Variants in CYB5R4 observed in about 807,000 individuals in gnomAD.
CYB5R4 encodes the protein N-terminal cytochrome b5 and cytochrome b5 oxidoreductase domain-containing protein.
CYB5R4 carries 55 observed loss-of-function variants against 70.2 expected under a neutral mutation model. The observed-to-expected ratio is 0.78, with a 90% CI of 0.63 to 0.98. CYB5R4 has a LOEUF of 0.98. Among genes scored for constraint, CYB5R4 ranks in the 50% least tolerant of loss-of-function variants. The pLI is 0.00. For missense variants in CYB5R4, 562 were observed against 612.6 expected (o/e 0.92, Z 0.87); for synonymous variants, 197 against 199.5 (o/e 0.99, Z 0.11).
chr6:83,902,234 A>G lies in CYB5R4; in HGVS notation c.331-6775A>G, dbSNP rs117462080. Among the ~76,000 whole-genome samples the G allele has an allele frequency of 8.1e-4, 123 of 152,248 alleles. 2 individuals are homozygous for G. In the East Asian group the frequency reaches 0.02, roughly 25 times the overall value. On this transcript the variant is annotated intron_variant, in intron 3 of 15. Coordinates refer to ENST00000369681, the MANE Select transcript of CYB5R4 (RefSeq NM_016230.4). ...TTGGAGTTCATTTTCATTCTTCTGC[A>G]TATGGATATCCAATTTTCCCAGCAC...
At chr6:83,868,671 CTT>C (rs1325259478) in intron 2 of CYB5R4, among the ~76,000 whole-genome samples, 2 of 152,096 alleles carry the variant, frequency 1.3e-5, no homozygotes, top group African/African-American at 2.4e-5. Context: ...ATTTTTCTCT[CTT>C]GTTTCTCCCT....
intron 13 of CYB5R4, 89 bp from the exon 14 acceptor site, chr6:83,940,426 A>G: frequency 7.8e-7 from 1 of 1,288,926 alleles, no homozygotes; most frequent in Non-Finnish European, 1.0e-6. Context: ...GCACTAAAAC[A>G]TTCACACTGG....
chr6:83,923,729 A>T, intron 9 of CYB5R4, among the ~76,000 whole-genome samples: 1 of 152,096 alleles, frequency 6.6e-6, no homozygotes, highest in East Asian at 1.9e-4. Flanking sequence ...ACTCATTCTC[A>T]TGAGGCTCTT....
intron 2 of CYB5R4, among the ~76,000 whole-genome samples, chr6:83,876,091 C>T (rs934504383): frequency 7.2e-5 from 11 of 152,106 alleles, no homozygotes; most frequent in South Asian, 2.1e-4. Flanking sequence ...ATATTGTTGG[C>T]TCCTGGAGTT....
chr6:83,941,696 T>G (rs1384134377), intron 14 of CYB5R4, among the ~76,000 whole-genome samples: 1 of 152,222 alleles, frequency 6.6e-6, no homozygotes, highest in Non-Finnish European at 1.5e-5. Context: ...ACACCTGAAT[T>G]TATTTATCCT....
intron 14 of CYB5R4, among the ~76,000 whole-genome samples, chr6:83,941,933 C>A (rs2099469831): frequency 6.6e-6 from 1 of 152,160 alleles, no homozygotes; most frequent in African/African-American, 2.4e-5. Flanking sequence ...ACTTTATTCA[C>A]AAATTACTTA....
At chr6:83,911,672 C>T (rs1183122693) in intron 4 of CYB5R4, among the ~76,000 whole-genome samples, 1 of 152,042 alleles carries the variant, frequency 6.6e-6, no homozygotes, top group Non-Finnish European at 1.5e-5. Flanking sequence ...TTTCAAATTT[C>T]TTCCAGTAGA....
chr6:83,884,215 T>A (rs1193471380), intron 2 of CYB5R4, among the ~76,000 whole-genome samples: 1 of 151,996 alleles, frequency 6.6e-6, no homozygotes, highest in Non-Finnish European at 1.5e-5. Context: ...TAATTATAGA[T>A]AATATAGAGA....
intron 1 of CYB5R4, 51 bp downstream of exon 1, chr6:83,859,908 G>A (rs773551069): frequency 6.5e-7 from 1 of 1,532,132 alleles, no homozygotes. Context: ...TCGAGCTCTG[G>A]CAGTGTGTTC....
chr6:83,863,223 T>C (rs2099456234), intron 1 of CYB5R4, among the ~76,000 whole-genome samples: 1 of 152,196 alleles, frequency 6.6e-6, no homozygotes, highest in Non-Finnish European at 1.5e-5. Context: ...GTTTTTTTTC[T>C]GCAAAGGGCC....
At chr6:83,944,426 C>T (rs981504602) in intron 14 of CYB5R4, among the ~76,000 whole-genome samples, 9 of 152,106 alleles carry the variant, frequency 5.9e-5, no homozygotes, top group Non-Finnish European at 1.2e-4. Context: ...ACAAGAGTTC[C>T]TGAAGGAAGT....
In CYB5R4 at chr6:83,964,650, A is replaced by G. The variant is rs1439933964; in HGVS notation, c.*4772A>G. 1 of 152,236 alleles carries G rather than the reference A, an allele frequency of 6.6e-6. No homozygotes were observed. The highest frequency in any genetic ancestry group is 1.5e-5 in the Non-Finnish European group (1 of 68,048). 9.4% of individuals were successfully genotyped at this position (152,236 alleles called of 1,614,324 possible). On this transcript the variant is annotated 3_prime_UTR_variant, in exon 16 of 16. Transcript: ENST00000369681. ...GGAGAAATTCAAGCTGGCTGTAGAT[A>G]TTTGCATAAGTAACAAGGAACTGAA...
At chr6:83,903,111 A>C (rs569367368) in intron 3 of CYB5R4, among the ~76,000 whole-genome samples, 37 of 152,094 alleles carry the variant, frequency 2.4e-4, no homozygotes, top group Non-Finnish European at 4.7e-4. Flanking sequence ...CTTAGTGAAA[A>C]GGCTTTTAAC....
At chr6:83,910,807 A>G (rs2099464559) in intron 4 of CYB5R4, among the ~76,000 whole-genome samples, 1 of 152,244 alleles carries the variant, frequency 6.6e-6, no homozygotes. Flanking sequence ...ACTTCTAAAA[A>G]TACAGCATAT....
intron 14 of CYB5R4, among the ~76,000 whole-genome samples, chr6:83,947,137 C>T (rs1017351637): frequency 3.9e-5 from 6 of 152,200 alleles, no homozygotes; most frequent in Non-Finnish European, 5.9e-5. Context: ...GGAGGCATCA[C>T]GCTACCTGAC....
At chr6:83,881,426 T>C (rs984865290) in intron 2 of CYB5R4, among the ~76,000 whole-genome samples, 15 of 152,194 alleles carry the variant, frequency 9.9e-5, no homozygotes, top group Non-Finnish European at 1.9e-4. Flanking sequence ...CCACCACTCC[T>C]TGGTCTCCCA....
rs551434128 is a variant in CYB5R4, at chr6:83,934,225, C to T, written c.815-370C>T. ...CCTGGGCAACATAGTGAAACCCAAT[C>T]TCTTTAAAAAAAAATTAAAAAAAAA... On this transcript the variant is annotated intron_variant, in intron 10 of 15. Coordinates refer to ENST00000369681, the MANE Select transcript of CYB5R4 (RefSeq NM_016230.4). Among the ~76,000 whole-genome samples the T allele has an allele frequency of 3.4e-5, 5 of 147,338 alleles. No individual in the cohort carries two copies. The South Asian group carries it at 1.1e-3, about 31-fold the overall frequency.
chr6:83,902,288 A>G (rs2099463101), intron 3 of CYB5R4, among the ~76,000 whole-genome samples: 1 of 152,112 alleles, frequency 6.6e-6, no homozygotes, highest in Non-Finnish European at 1.5e-5. Context: ...TCCTTTCCTC[A>G]TTGTATATTC....
chr6:83,939,441 G>A lies in CYB5R4; in HGVS notation c.1109-615G>A, dbSNP rs186715073. Among the ~76,000 whole-genome samples the A allele has an allele frequency of 9.9e-5, 15 of 152,234 alleles. 1 individual carries two copies. The highest frequency in any genetic ancestry group is 9.2e-4 in the Admixed American group (14 of 15,294). The stretch of plus-strand genomic sequence containing the variant: ...TGACATGCTCCAAGTATAGTTGACT[G>A]CATTTCTGATCTTGCTTTGTTTTTA... On this transcript the variant is annotated intron_variant, in intron 12 of 15. Transcript: ENST00000369681.
Sources: allele counts gnomAD v4.1 joint callset (sites outside exome capture counted in the v4.1 genomes callset), GRCh38; gene constraint gnomAD v4.1.1; transcripts MANE v1.5; gene names NCBI Gene and HGNC (gene_info 2026-07-23, HGNC 2026-07-21).